FGFR1: variants seen among roughly 807,000 people sequenced by gnomAD.
FGFR1 encodes the protein fibroblast growth factor receptor 1.
FGFR1 carries 18 observed loss-of-function variants against 93.7 expected under a neutral mutation model. That is an observed-to-expected ratio of 0.19 (90% confidence interval 0.13 to 0.28). The LOEUF is 0.28. FGFR1 is among the 10% of genes least tolerant of loss of function. The pLI is 1.00. For synonymous variants in FGFR1, 448 were observed against 429.3 expected, an observed-to-expected ratio of 1.04 and a Z score of -0.54; for missense variants, 731 against 1,080.4, an observed-to-expected ratio of 0.68 and a Z score of 4.53.
chr8:38,449,242 G>T (rs1212604595), intron 2 of FGFR1, among the ~76,000 whole-genome samples: 1 of 152,078 alleles, frequency 6.6e-6, no homozygotes, highest in Non-Finnish European at 1.5e-5. Context: ...ACTAAGATTT[G>T]AGCAGGAATT....
In FGFR1 at chr8:38,413,871, C is replaced by A. The variant is rs747827840; in HGVS notation, c.2292+47G>T. On this transcript the variant is annotated intron_variant, in intron 17 of 17. Coordinates refer to ENST00000447712, the MANE Select transcript of FGFR1 (RefSeq NM_023110.3). This position sits in a 1 kb window ranked among gnomAD's most constrained non-coding sequence, Gnocchi z 4.2. Reference sequence around the variant, plus strand: ...CTCCCTGCTCAGGGAGGTGCGTGCACGCAGTGGGGACGGCCTGAGCTCTGG... The same window carrying A: ...CTCCCTGCTCAGGGAGGTGCGTGCAAGCAGTGGGGACGGCCTGAGCTCTGG... The A allele has an allele frequency of 6.2e-7, 1 of 1,613,268 alleles. No individual in the cohort carries two copies. The highest frequency in any genetic ancestry group is 1.3e-5 in the African/African-American group (1 of 75,008).
intron 7 of FGFR1, chr8:38,423,815 G>C (rs1034949637): frequency 6.1e-6 from 1 of 163,208 alleles, no homozygotes; most frequent in Non-Finnish European, 1.3e-5. Context: ...AAAGAGAAGA[G>C]AAGGGAGGGC....
intron 2 of FGFR1, among the ~76,000 whole-genome samples, chr8:38,453,479 CCAACAGT>C (rs1239450186): frequency 1.3e-5 from 2 of 152,292 alleles, no homozygotes; most frequent in Admixed American, 1.3e-4. Flanking sequence ...TCCCCAAGAG[CCAACAGT>C]CAGTAAGGTG....
intron 2 of FGFR1, 29 bp downstream of exon 2, chr8:38,457,327 G>A (rs2151339070): frequency 6.2e-7 from 1 of 1,608,618 alleles, no homozygotes; most frequent in African/African-American, 1.3e-5. Flanking sequence ...AGGCCCAGGA[G>A]TCCAGGCTGC....
rs538902013 is a variant in FGFR1 at position 38,421,006 on chromosome 8, C to G, written c.1081+791G>C. On this transcript the variant is annotated intron_variant, in intron 8 of 17. Coordinates refer to ENST00000447712, the MANE Select transcript of FGFR1 (RefSeq NM_023110.3). ...GCCTCCAGCAGGGGCATCCGGAGAC[C>G]CTGACGGGCAAGCAGGGCAGAGTGG... is the stretch of plus-strand genomic sequence containing the variant. Among the ~76,000 whole-genome samples, 383 of 152,284 alleles carry G rather than the reference C, an allele frequency of 2.5e-3. 1 individual carries two copies. The highest frequency in any genetic ancestry group is 8.9e-3 in the African/African-American group (368 of 41,536).
chr8:38,466,939 G>A (rs1180406551), intron 1 of FGFR1, among the ~76,000 whole-genome samples: 1 of 151,166 alleles, frequency 6.6e-6, no homozygotes, highest in Non-Finnish European at 1.5e-5. Flanking sequence ...CTGCCTCATA[G>A]GGGGTGTGTG....
intron 2 of FGFR1, among the ~76,000 whole-genome samples, chr8:38,440,667 T>C (rs538763660): frequency 6.6e-6 from 1 of 151,486 alleles, no homozygotes; most frequent in South Asian, 2.1e-4. Context: ...CCCATTAAAA[T>C]GTAAAAACTC....
intron 2 of FGFR1, among the ~76,000 whole-genome samples, chr8:38,446,287 T>A (rs1829260454): frequency 6.6e-6 from 1 of 151,436 alleles, no homozygotes; most frequent in African/African-American, 2.4e-5. Flanking sequence ...CTCGGCTCAT[T>A]GCAACCTCTG....
intron 1 of FGFR1, among the ~76,000 whole-genome samples, chr8:38,460,448 G>C: frequency 6.6e-6 from 1 of 152,188 alleles, no homozygotes; most frequent in East Asian, 1.9e-4. Flanking sequence ...ATGGGAAAGA[G>C]TGGTGTCATG....
intron 2 of FGFR1, among the ~76,000 whole-genome samples, chr8:38,453,626 G>T (rs1831814325): frequency 6.6e-6 from 1 of 152,176 alleles, no homozygotes; most frequent in Non-Finnish European, 1.5e-5. Flanking sequence ...GTTTGGCCAG[G>T]TGTGGTGGCT....
intron 2 of FGFR1, among the ~76,000 whole-genome samples, chr8:38,444,164 C>T (rs1828534997): frequency 6.6e-6 from 1 of 151,020 alleles, no homozygotes; most frequent in Non-Finnish European, 1.5e-5. Flanking sequence ...TTGTTGGTTC[C>T]AAAAATCTGG....
intron 1 of FGFR1, among the ~76,000 whole-genome samples, chr8:38,464,451 C>T (rs929065537): frequency 6.6e-6 from 1 of 151,792 alleles, no homozygotes; most frequent in Admixed American, 6.6e-5. Context: ...CATGTGAGGG[C>T]TATTAAATGG....
At chr8:38,414,511 G>T (rs778561331) in intron 15 of FGFR1, 48 bp downstream of exon 15, 1 of 1,604,084 alleles carries the variant, frequency 6.2e-7, no homozygotes, top group Non-Finnish European at 8.5e-7. Context: ...TACAGTGCTA[G>T]AAGCTCTCTA....
chr8:38,435,309 C>G (rs1461593465), intron 2 of FGFR1: 1 of 152,238 alleles, frequency 6.6e-6, no homozygotes, highest in Non-Finnish European at 1.5e-5. Flanking sequence ...AAGTCCAGAA[C>G]TGAATCTAGC....
At position 38,413,475 on chromosome 8, in the gene FGFR1, G is replaced by C; in HGVS notation, c.*153C>G. ...GTGGAGGGAGAGGTGAGCTGAGTGG[G>C]GTGAAGGCAGGCCACACAGGAAGGC... On this transcript the variant is annotated 3_prime_UTR_variant, in exon 18 of 18. Transcript: ENST00000447712. The surrounding 1 kb of genome is among the most constrained non-coding windows in gnomAD (Gnocchi z 4.2). The C allele has an allele frequency of 1.4e-6, 1 of 737,902 alleles. No homozygotes were observed. The highest frequency in any genetic ancestry group is 1.8e-5 in the South Asian group (1 of 54,258). 45.7% of individuals were successfully genotyped at this position (737,902 alleles called of 1,614,324 possible). A position where few individuals can be genotyped will look rare whatever the true frequency, so the allele number is the denominator to read the frequency against.
intron 2 of FGFR1, among the ~76,000 whole-genome samples, chr8:38,445,284 C>A (rs1828938162): frequency 6.6e-6 from 1 of 152,170 alleles, no homozygotes; most frequent in South Asian, 2.1e-4. Flanking sequence ...TCAATAAATG[C>A]TTCTCCTCTT....
At chr8:38,449,980 C>T (rs1193063328) in intron 2 of FGFR1, among the ~76,000 whole-genome samples, 6 of 152,206 alleles carry the variant, frequency 3.9e-5, no homozygotes, top group Non-Finnish European at 7.3e-5. Flanking sequence ...GGCCCACTAC[C>T]GGGGAGGAGG....
intron 6 of FGFR1, chr8:38,425,842 C>T: frequency 4.1e-6 from 2 of 484,758 alleles, no homozygotes; most frequent in Admixed American, 6.5e-5. Flanking sequence ...ACATTTAACA[C>T]CTCTCCAACA....
At chr8:38,442,826 C>T (rs1827979778) in intron 2 of FGFR1, among the ~76,000 whole-genome samples, 1 of 152,196 alleles carries the variant, frequency 6.6e-6, no homozygotes, top group African/African-American at 2.4e-5. Flanking sequence ...TCTGGTCCCC[C>T]AAGCCCGACA....
Sources: allele counts gnomAD v4.1 joint callset (sites outside exome capture counted in the v4.1 genomes callset), GRCh38; gene constraint gnomAD v4.1.1; non-coding constraint Gnocchi (gnomAD v3.1); transcripts MANE v1.5; gene names NCBI Gene and HGNC (gene_info 2026-07-23, HGNC 2026-07-21).